The following KANK1 variants were observed in gnomAD, a reference collection of about 807,000 sequenced individuals.
KANK1 encodes KN motif and ankyrin repeat domain-containing protein 1.
A neutral mutation model predicts 106.2 loss-of-function variants in KANK1; 109 were observed. That is an observed-to-expected ratio of 1.03 (90% CI 0.88 to 1.20). KANK1 has a LOEUF of 1.20. KANK1 is among the 50% of genes most tolerant of loss of function. The pLI is 0.00. For missense variants in KANK1, 2,399 were observed against 1,710.7 expected, an observed-to-expected ratio of 1.40 and a Z score of -7.10; for synonymous variants, 873 against 652.2, an observed-to-expected ratio of 1.34 and a Z score of -5.16.
At position 711,737 on chromosome 9, in the gene KANK1, A is replaced by C; in HGVS notation, c.971A>C (p.Tyr324Ser). 1 of 1,614,212 alleles carries C rather than the reference A, an allele frequency of 6.2e-7. No homozygotes were observed. The highest frequency in any genetic ancestry group is 8.5e-7 in the Non-Finnish European group (1 of 1,180,024). ...INVCGVRKRS[Y>S]SAGNASQLEQ... ...GTCTGTGGTGTGAGGAAGCGGTCCT[A>C]TAGTGCGGGGAACGCCTCCCAGCTG... Residue 324 changes from tyrosine (Y) to serine (S), a missense_variant, in exon 3 of 12, where the codon TAT becomes TCT. Tyr to Ser is a moderately radical substitution (Grantham distance 144). Transcript: ENST00000382297.
At chr9:716,206 T>C (rs1450111229) in intron 3 of KANK1, among the ~76,000 whole-genome samples, 1 of 152,198 alleles carries the variant, frequency 6.6e-6, no homozygotes, top group Non-Finnish European at 1.5e-5. Context: ...CTAGACAGTG[T>C]GGGTTCACAT....
intron 1 of KANK1, among the ~76,000 whole-genome samples, chr9:515,109 A>C (rs12347426): frequency 0.23 from 34,996 of 151,492 alleles, 6,130 homozygotes; most frequent in African/African-American, 0.47. Context: ...TTTGGGAGGC[A>C]GAGGCGGGTG....
chr9:722,676 A>G (rs1159693443), intron 3 of KANK1, among the ~76,000 whole-genome samples: 2 of 152,238 alleles, frequency 1.3e-5, no homozygotes, highest in South Asian at 2.1e-4. Context: ...TTCTGGCAAT[A>G]TAGGTGACCA....
chr9:695,656 G>A (rs549721867), intron 2 of KANK1, among the ~76,000 whole-genome samples: 18 of 151,902 alleles, frequency 1.2e-4, no homozygotes, highest in Admixed American at 6.6e-4. Flanking sequence ...GATCCTCTCT[G>A]GGGGGCCAGG....
chr9:728,394 C>A (rs920100693), intron 3 of KANK1, among the ~76,000 whole-genome samples: 1 of 152,180 alleles, frequency 6.6e-6, no homozygotes, highest in Non-Finnish European at 1.5e-5. Context: ...GACGGGGTTT[C>A]ACCGTGTTGA....
In KANK1 at chr9:712,432, A is replaced by T. The variant is rs1315312861; in HGVS notation, c.1666A>T (p.Lys556Ter). The stretch of plus-strand genomic sequence containing the variant: ...AGGCATCTCCTGCCAGCCTGAATGT[A>T]AGAATAAAGTCGTAGGGCCTGAGCT... ...SVGISCQPEC[K>*]NKVVGPELPM... Residue 556 changes from lysine to a stop codon, truncating the protein, a stop_gained, in exon 3 of 12, where the codon AAG (lysine) becomes TAG (stop). Coordinates refer to ENST00000382297, the MANE Select transcript of KANK1 (RefSeq NM_015158.5). LOFTEE classifies it high-confidence loss of function. The T allele has an allele frequency of 1.2e-6, 2 of 1,614,160 alleles. No homozygotes were observed. Among genetic ancestry groups the T allele is most frequent in the Admixed American group, 1.7e-5 (1 of 60,010 alleles).
chr9:655,374 A>T (rs1166683447), intron 1 of KANK1, among the ~76,000 whole-genome samples: 34 of 5,024 alleles, frequency 6.8e-3, no homozygotes, highest in East Asian at 0.14. Context: ...TCTGTCTAAA[A>T]AAAAAAAAAA....
At chr9:603,704 C>T (rs2804299) in intron 1 of KANK1, among the ~76,000 whole-genome samples, 51,661 of 151,392 alleles carry the variant, frequency 0.34, 11,436 homozygotes, top group South Asian at 0.55. Flanking sequence ...ACCTGTAATC[C>T]CAGGACTTTG....
chr9:485,879 AAAAAAAAG>A (rs1344486145), intron 3 of KANK1, among the ~76,000 whole-genome samples: 1 of 150,834 alleles, frequency 6.6e-6, no homozygotes, highest in Non-Finnish European at 1.5e-5. Context: ...CAAAAAAAAA[AAAAAAAAG>A]AAAAGAAAAA....
chr9:600,602 T>C (rs914488607), intron 1 of KANK1, among the ~76,000 whole-genome samples: 1 of 151,900 alleles, frequency 6.6e-6, no homozygotes, highest in Non-Finnish European at 1.5e-5. Context: ...AACTTCATAT[T>C]AGTAGGTGAG....
chr9:641,931 T>G (rs1201769619), intron 1 of KANK1, among the ~76,000 whole-genome samples: 1 of 152,228 alleles, frequency 6.6e-6, no homozygotes, highest in East Asian at 1.9e-4. Flanking sequence ...TTAGAACATT[T>G]TCATCACCCC....
rs1038664432 is a variant in KANK1, at chr9:744,491, G to T, written c.3898G>T (p.Asp1300Tyr). 2 of 1,611,576 alleles carry T rather than the reference G, an allele frequency of 1.2e-6. No homozygotes were observed. Among genetic ancestry groups the T allele is most frequent in the Non-Finnish European group, 1.7e-6 (2 of 1,178,204 alleles). The change falls in exon 11 of 12, where the codon GAT becomes TAT. Residue 1300 changes from aspartate (D) to tyrosine (Y), a missense_variant and splice_region_variant. Transcript: ENST00000382297. ...CTTGTTCTTTCCATCTTATCTTAAGGATGGCAGCACTGCGCTCTCAATCGC... is the reference window on the plus strand; with the variant it reads ...CTTGTTCTTTCCATCTTATCTTAAGTATGGCAGCACTGCGCTCTCAATCGC... ...PGCNGHLEDN[D>Y]GSTALSIALE...
At chr9:560,515 T>A (rs1816114101) in intron 1 of KANK1, among the ~76,000 whole-genome samples, 2 of 152,212 alleles carry the variant, frequency 1.3e-5, no homozygotes, top group South Asian at 4.1e-4. Flanking sequence ...GTAGGGAGAC[T>A]TTAGAGGCAC....
intron 1 of KANK1, among the ~76,000 whole-genome samples, chr9:646,261 C>A (rs1334006898): frequency 6.6e-6 from 1 of 150,560 alleles, no homozygotes; most frequent in African/African-American, 2.5e-5. Context: ...ATTTGGGAGG[C>A]CAAGGCTAGA....
chr9:732,053 G>T (rs907235912), intron 5 of KANK1: 68 of 178,348 alleles, frequency 3.8e-4, no homozygotes, highest in Non-Finnish European at 7.0e-4. Flanking sequence ...GACATGGGGT[G>T]GGGGGGGGAC....
At chr9:594,150 T>C (rs1399451826) in intron 1 of KANK1, among the ~76,000 whole-genome samples, 1 of 151,920 alleles carries the variant, frequency 6.6e-6, no homozygotes, top group African/African-American at 2.4e-5. Context: ...CCCACCTTAT[T>C]ATACTAGAGA....
chr9:544,476 A>T (rs2060808002), intron 1 of KANK1, among the ~76,000 whole-genome samples: 1 of 152,198 alleles, frequency 6.6e-6, no homozygotes, highest in Admixed American at 6.5e-5. Flanking sequence ...ATGAGCCATA[A>T]CAAATTTGAG....
At chr9:502,111 T>G (rs896680742), upstream of KANK1, among the ~76,000 whole-genome samples, 1 of 152,170 alleles carries the variant, frequency 6.6e-6, no homozygotes, top group Non-Finnish European at 1.5e-5. Context: ...GTTGTTATGT[T>G]CCTAGTTATA....
At chr9:656,958 CTG>C (rs1842276657) in intron 1 of KANK1, among the ~76,000 whole-genome samples, 1 of 152,062 alleles carries the variant, frequency 6.6e-6, no homozygotes, top group African/African-American at 2.4e-5. Context: ...TTATTGTTAA[CTG>C]TATGCACAAT....
Sources: gnomAD v4.1 joint callset for allele counts (sites outside exome capture counted in the v4.1 genomes callset) on GRCh38, gnomAD v4.1.1 for gene constraint, MANE v1.5 for transcripts, NCBI Gene and HGNC (gene_info 2026-07-23, HGNC 2026-07-21) for gene names.